The following GALNT9 variants were observed in gnomAD, a reference collection of about 807,000 sequenced individuals.
GALNT9 encodes the protein polypeptide N-acetylgalactosaminyltransferase 9, also known as GalNAc transferase 9.
GALNT9 carries 47 observed loss-of-function variants against 63.1 expected under a neutral mutation model. That is an observed-to-expected ratio of 0.75 (90% CI 0.59 to 0.95). GALNT9 has a LOEUF of 0.95. Among genes scored for constraint, GALNT9 ranks in the 40% least tolerant of loss-of-function variants. The probability of loss-of-function intolerance (pLI) is 0.00; values close to 1 mark genes in which losing one functional copy is unlikely to be tolerated. For missense variants in GALNT9, 829 were observed against 874.8 expected, an observed-to-expected ratio of 0.95 and a Z score of 0.66; for synonymous variants, 396 against 365.7, an observed-to-expected ratio of 1.08 and a Z score of -0.94.
chr12:132,313,472 CCCACCTAATCCAT>C (rs1881891018), intron 1 of GALNT9, among the ~76,000 whole-genome samples: 1 of 140,710 alleles, frequency 7.1e-6, no homozygotes, highest in Non-Finnish European at 1.5e-5. Context: ...CACCCATCCA[CCCACCTAATCCAT>C]CCAGCCATCC....
rs1430353709 is a variant in GALNT9 at position 132,286,113 on chromosome 12, G to T, written c.419+137C>A. 5 of 1,154,752 alleles carry T rather than the reference G, an allele frequency of 4.3e-6. No homozygotes were observed. Among genetic ancestry groups the T allele is most frequent in the South Asian group, 1.7e-5 (1 of 59,014 alleles). The allele number at this position is 1,154,752 out of a possible 1,614,324, so 71.5% of individuals were successfully genotyped here. ...GGTCACTTCCCCGGCGGGCGTGGGG[G>T]GCGGTCACTTCCCTGGCGGGCGTGG... is the stretch of plus-strand genomic sequence containing the variant. On this transcript the variant is annotated intron_variant, in intron 2 of 10. Transcript: ENST00000328957. The surrounding 1 kb of genome is among the most constrained non-coding windows in gnomAD (Gnocchi z 7.4).
At position 132,262,541 on chromosome 12, in the gene GALNT9, C is replaced by A; in HGVS notation, c.504G>T (p.Leu168=). Residue 168 remains leucine (L), a synonymous_variant, in exon 3 of 11, where the codon CTG becomes CTT. Transcript: ENST00000328957. ...GGTTGACCACGCTGTGCACGGAGCG[C>A]AGGATGACCGACAGCGCCTCATTGA... ...IFVNEALSVI[L]RSVHSVVNHT... 1 of 1,551,502 alleles carries A rather than the reference C, an allele frequency of 6.4e-7. No homozygotes were observed. Among genetic ancestry groups the A allele is most frequent in the Non-Finnish European group, 8.7e-7 (1 of 1,146,944 alleles).
chr12:132,297,297 C>A (rs1881109974), intron 1 of GALNT9, among the ~76,000 whole-genome samples: 1 of 151,396 alleles, frequency 6.6e-6, no homozygotes, highest in Admixed American at 6.6e-5. Flanking sequence ...AGATAACCAA[C>A]TCACTCCCAT....
chr12:132,243,755 C>T (rs1171596871), intron 6 of GALNT9, among the ~76,000 whole-genome samples: 1 of 152,172 alleles, frequency 6.6e-6, no homozygotes, highest in Non-Finnish European at 1.5e-5. Context: ...CACCACGCAC[C>T]GGCTGGCATT....
intron 6 of GALNT9, among the ~76,000 whole-genome samples, chr12:132,227,361 G>A (rs933360349): frequency 4.6e-4 from 70 of 152,170 alleles, no homozygotes; most frequent in African/African-American, 1.4e-3. Context: ...CCCTCTCCCC[G>A]GCCCAGCTCC....
At chr12:132,213,987 C>T (rs1045433887) in intron 6 of GALNT9, among the ~76,000 whole-genome samples, 4 of 152,192 alleles carry the variant, frequency 2.6e-5, no homozygotes, top group Non-Finnish European at 2.9e-5. Flanking sequence ...GGGACACCCG[C>T]GACTCCGAGT....
chr12:132,286,185 G>A lies in GALNT9; in HGVS notation c.419+65C>T, dbSNP rs1380720651. The A allele has an allele frequency of 2.0e-6, 3 of 1,485,290 alleles. No individual in the cohort carries two copies. Among genetic ancestry groups the A allele is most frequent in the South Asian group, 1.3e-5 (1 of 74,992 alleles). The allele number at this position is 1,485,290 out of a possible 1,614,324, so 92.0% of individuals were successfully genotyped here. A position where few individuals can be genotyped will look rare whatever the true frequency, so the allele number is the denominator to read the frequency against. On this transcript the variant is annotated intron_variant, in intron 2 of 10. Transcript: ENST00000328957. This position sits in a 1 kb window ranked among gnomAD's most constrained non-coding sequence, Gnocchi z 7.4. The stretch of plus-strand genomic sequence containing the variant: ...GGCGTGGGGGGCAGTCACTTCCCTG[G>A]CCAGTGTGGGGGGCGGTCACTTCCT...
intron 1 of GALNT9, among the ~76,000 whole-genome samples, chr12:132,293,169 G>A (rs1048316225): frequency 3.3e-5 from 5 of 152,200 alleles, no homozygotes; most frequent in Non-Finnish European, 5.9e-5. Context: ...TGAGTGGGGG[G>A]GCTCAGGCAG....
Position 132,247,894 on chromosome 12 carries a change from C to A in GALNT9, c.1077+16G>T. On this transcript the variant is annotated intron_variant, in intron 6 of 10. Coordinates refer to ENST00000328957, the MANE Select transcript of GALNT9 (RefSeq NM_001122636.2). ...CTCGCCCTCACCCTGTCCCTGGACA[C>A]CGGGGCCGCACTCACCCTCATGCCC... The A allele has an allele frequency of 1.3e-6, 2 of 1,551,100 alleles. No individual in the cohort carries two copies. The highest frequency in any genetic ancestry group is 1.7e-6 in the Non-Finnish European group (2 of 1,146,880).
At chr12:132,302,229 T>TACACACACACACACACACACAC (rs56317485) in intron 1 of GALNT9, among the ~76,000 whole-genome samples, 56 of 143,816 alleles carry the variant, frequency 3.9e-4, no homozygotes, top group Non-Finnish European at 5.9e-4. Flanking sequence ...TAGAAAATTC[T>TACACACACACACACACACACAC]ACACACACAC....
At chr12:132,291,438 G>A (rs184914513) in intron 1 of GALNT9, among the ~76,000 whole-genome samples, 5,061 of 50,636 alleles carry the variant, frequency 0.1, 364 homozygotes, top group East Asian at 0.16. Context: ...CAACCACAGC[G>A]CCCACGTCCA....
chr12:132,258,748 A>G (rs1005672255), intron 4 of GALNT9, among the ~76,000 whole-genome samples: 2 of 152,288 alleles, frequency 1.3e-5, no homozygotes, highest in Middle Eastern at 6.8e-3. Flanking sequence ...TCAGTCTTCG[A>G]TTCCCCGTCC....
intron 1 of GALNT9, among the ~76,000 whole-genome samples, chr12:132,311,611 G>A (rs1219280467): frequency 9.9e-5 from 15 of 152,226 alleles, no homozygotes; most frequent in African/African-American, 3.1e-4. Context: ...GAGAGCAGAT[G>A]TGGACTCCAG....
At position 132,319,659 on chromosome 12, in the gene GALNT9, GC is replaced by G. The variant is rs559582201; in HGVS notation, c.238+9306del. On this transcript the variant is annotated intron_variant, in intron 1 of 10. Transcript: ENST00000328957. This position sits in a 1 kb window ranked among gnomAD's most constrained non-coding sequence, Gnocchi z 5.2. Reference sequence around the variant, plus strand: ...ACTAGCTGAGTTTGCTTTTCAACAGGCCTTTCCGTCTGGGGCAGGTCAACAC... The same window carrying G: ...ACTAGCTGAGTTTGCTTTTCAACAGGCTTTCCGTCTGGGGCAGGTCAACAC... 7.0e-4 allele frequency among the ~76,000 whole-genome samples: 107 copies of G among 152,224 alleles called. No individual in the cohort carries two copies. The highest frequency in any genetic ancestry group is 2.6e-3 in the African/African-American group (107 of 41,544).
chr12:132,304,663 GGGCACAGCCTCGCCC>G (rs1881495216), intron 1 of GALNT9, among the ~76,000 whole-genome samples: 1 of 38,726 alleles, frequency 2.6e-5, no homozygotes, highest in Non-Finnish European at 4.7e-5. Context: ...ACCCTCACCC[GGGCACAGCCTCGCCC>G]GGGCACACCC....
At chr12:132,205,573 C>T in intron 6 of GALNT9, 1 of 152,502 alleles carries the variant, frequency 6.6e-6, no homozygotes, top group Non-Finnish European at 1.5e-5. Context: ...GGGTCCGGCT[C>T]CTTCCCCGGG....
At chr12:132,309,136 C>T (rs1241940825) in intron 1 of GALNT9, among the ~76,000 whole-genome samples, 1 of 152,282 alleles carries the variant, frequency 6.6e-6, no homozygotes. Context: ...CCACGCGACA[C>T]TCTCAGAATC....
At chr12:132,221,377 A>AAAAAG (rs1877440975) in intron 6 of GALNT9, among the ~76,000 whole-genome samples, 1 of 104,852 alleles carries the variant, frequency 9.5e-6, no homozygotes, top group Non-Finnish European at 1.9e-5. Flanking sequence ...AAAAAAAAAA[A>AAAAAG]GGGCTGGGTG....
chr12:132,207,185 C>T (rs1332253491), intron 6 of GALNT9, among the ~76,000 whole-genome samples: 1 of 152,208 alleles, frequency 6.6e-6, no homozygotes, highest in African/African-American at 2.4e-5. Context: ...GGACCAGAGG[C>T]TCACACCCCT....
Sources: gnomAD v4.1 joint callset for allele counts (sites outside exome capture counted in the v4.1 genomes callset) on GRCh38, gnomAD v4.1.1 for gene constraint, Gnocchi (gnomAD v3.1) non-coding constraint, MANE v1.5 for transcripts, NCBI Gene and HGNC (gene_info 2026-07-23, HGNC 2026-07-21) for gene names.